ZNF423: variants seen among roughly 807,000 people sequenced by gnomAD.
ZNF423 encodes Ebf-associated zinc finger protein.
Under a neutral mutation model 95.8 loss-of-function variants are expected in ZNF423, and 12 were observed. The observed-to-expected ratio is 0.13, with a 90% confidence interval of 0.08 to 0.20. The LOEUF is 0.20. ZNF423 is among the 10% of genes least tolerant of loss of function. The pLI is 1.00. For synonymous variants in ZNF423, 749 were observed against 711.9 expected, an observed-to-expected ratio of 1.05 and a Z score of -0.83; for missense variants, 1,316 against 1,737.1, an observed-to-expected ratio of 0.76 and a Z score of 4.31.
intron 3 of ZNF423, among the ~76,000 whole-genome samples, chr16:49,699,022 A>G (rs926524383): frequency 6.6e-6 from 1 of 152,230 alleles, no homozygotes; most frequent in Non-Finnish European, 1.5e-5. Flanking sequence ...GTGACTAACC[A>G]AAATCAATGT....
intron 2 of ZNF423, among the ~76,000 whole-genome samples, chr16:49,763,021 C>T (rs2033860539): frequency 6.6e-6 from 1 of 151,874 alleles, no homozygotes; most frequent in South Asian, 2.1e-4. Flanking sequence ...GCACACACCA[C>T]CATGCCTGGC....
At chr16:49,843,180 A>C (rs1338727639) in intron 1 of ZNF423, among the ~76,000 whole-genome samples, 1 of 152,190 alleles carries the variant, frequency 6.6e-6, no homozygotes, top group Non-Finnish European at 1.5e-5. Context: ...AGCCAAAGAA[A>C]CACTCAAACA....
At chr16:49,777,373 T>A (rs1267339710) in intron 2 of ZNF423, among the ~76,000 whole-genome samples, 1 of 152,046 alleles carries the variant, frequency 6.6e-6, no homozygotes, top group Non-Finnish European at 1.5e-5. Flanking sequence ...TGAGTGAGAG[T>A]ATGAGCATAT....
intron 5 of ZNF423, among the ~76,000 whole-genome samples, chr16:49,529,868 A>G (rs1968775588): frequency 6.6e-6 from 1 of 152,096 alleles, no homozygotes; most frequent in Non-Finnish European, 1.5e-5. Context: ...TCCAGCCACA[A>G]CGGATAGTCC....
chr16:49,560,360 G>A (rs1050618784), intron 5 of ZNF423, among the ~76,000 whole-genome samples: 7 of 152,162 alleles, frequency 4.6e-5, no homozygotes, highest in African/African-American at 1.2e-4. Context: ...CAAAAAGGCC[G>A]AAGTTGCTGT....
At chr16:49,827,552 A>G (rs1019960174) in intron 1 of ZNF423, among the ~76,000 whole-genome samples, 4 of 151,882 alleles carry the variant, frequency 2.6e-5, no homozygotes, top group South Asian at 2.1e-4. Context: ...GTCTCATTCT[A>G]TCTCCCAGGC....
At chr16:49,810,137 T>G (rs1216333696) in intron 1 of ZNF423, among the ~76,000 whole-genome samples, 1 of 151,794 alleles carries the variant, frequency 6.6e-6, no homozygotes, top group African/African-American at 2.4e-5. Flanking sequence ...TGGTCTGGGG[T>G]CGGGGAGGCT....
At chr16:49,853,897 A>G in intron 1 of ZNF423, 1 of 985,398 alleles carries the variant, frequency 1.0e-6, no homozygotes, top group Non-Finnish European at 1.2e-6. Context: ...AAGCTTTGCA[A>G]ACTCAAAATC....
chr16:49,830,592 G>C (rs1279597276), intron 1 of ZNF423, among the ~76,000 whole-genome samples: 1 of 152,166 alleles, frequency 6.6e-6, no homozygotes, highest in African/African-American at 2.4e-5. Context: ...ATTTAGGAGA[G>C]GTATCTTTCC....
At position 49,492,123 on chromosome 16, in the gene ZNF423, C is replaced by G. The variant is rs1311167740; in HGVS notation, c.3850-819G>C. Among the ~76,000 whole-genome samples, 1 of 152,236 alleles carries G rather than the reference C, an allele frequency of 6.6e-6. No individual in the cohort carries two copies. The highest frequency in any genetic ancestry group is 1.5e-5 in the Non-Finnish European group (1 of 68,034). ...GGTTGATCTGTTTCACAGGAGCCAG[C>G]GGCCTGGGACTGGGGGTGGGATTTG... On this transcript the variant is annotated intron_variant, in intron 7 of 7. Transcript: ENST00000563137. The surrounding 1 kb of genome is among the most constrained non-coding windows in gnomAD (Gnocchi z 4.2).
At position 49,638,035 on chromosome 16, in the gene ZNF423, C is replaced by T. The variant is rs1355934465; in HGVS notation, c.1141G>A (p.Asp381Asn). 1.2e-6 allele frequency: 2 copies of T among 1,613,874 alleles called. No homozygotes were observed. The highest frequency in any genetic ancestry group is 1.3e-5 in the African/African-American group (1 of 74,942). The change falls in exon 4 of 8, where the codon GAC becomes AAC. Residue 381 changes from aspartate (D) to asparagine (N), a missense_variant. Around this residue, in one of 6 missense-constraint regions of ZNF423, gnomAD observed 399 missense variants for 478.5 expected, o/e 0.83. Transcript: ENST00000563137. The surrounding 1 kb of genome is among the most constrained non-coding windows in gnomAD (Gnocchi z 5.6). Reference sequence around the variant, plus strand: ...CCACGCTCCACAGAGGCGCTGGAGTCGGGTGTGGCGCTGCTCATGGAGGCC... The same window carrying T: ...CCACGCTCCACAGAGGCGCTGGAGTTGGGTGTGGCGCTGCTCATGGAGGCC... ...SVASMSSATP[D>N]SSASVERGST...
chr16:49,801,829 G>A (rs61073293), intron 1 of ZNF423, among the ~76,000 whole-genome samples: 3,846 of 152,246 alleles, frequency 0.025, 140 homozygotes, highest in African/African-American at 0.088. Flanking sequence ...CATGGAGCTA[G>A]GATGGGGTAT....
At chr16:49,764,903 A>G (rs1378714191) in intron 2 of ZNF423, among the ~76,000 whole-genome samples, 1 of 147,690 alleles carries the variant, frequency 6.8e-6, no homozygotes, top group African/African-American at 2.5e-5. Flanking sequence ...GTGCGCCACC[A>G]CGCCCAGCTA....
chr16:49,520,917 A>G (rs780148790), intron 7 of ZNF423, among the ~76,000 whole-genome samples: 3 of 152,262 alleles, frequency 2.0e-5, no homozygotes, highest in Non-Finnish European at 4.4e-5. Context: ...GTCTATAATT[A>G]AAATCATTAA....
chr16:49,671,669 T>A (rs1251805206), intron 3 of ZNF423, among the ~76,000 whole-genome samples: 1 of 152,046 alleles, frequency 6.6e-6, no homozygotes, highest in Non-Finnish European at 1.5e-5. Context: ...GCCCCACACG[T>A]TTTATTTTAT....
At chr16:49,509,269 G>T (rs1009868335) in intron 7 of ZNF423, among the ~76,000 whole-genome samples, 1 of 152,138 alleles carries the variant, frequency 6.6e-6, no homozygotes, top group Non-Finnish European at 1.5e-5. Flanking sequence ...CCCCTGGGAC[G>T]CCTAAAGGAG....
intron 5 of ZNF423, among the ~76,000 whole-genome samples, chr16:49,599,989 T>A (rs1418169430): frequency 3.9e-5 from 6 of 152,158 alleles, no homozygotes; most frequent in Non-Finnish European, 8.8e-5. Context: ...TACCATAAGA[T>A]CTGAGCCCTT....
intron 3 of ZNF423, among the ~76,000 whole-genome samples, chr16:49,673,706 C>T (rs532420567): frequency 1.4e-4 from 22 of 152,246 alleles, no homozygotes; most frequent in Non-Finnish European, 2.6e-4. Flanking sequence ...TGCACATGCA[C>T]ACAAACCCTT....
intron 5 of ZNF423, among the ~76,000 whole-genome samples, chr16:49,574,252 G>A (rs953466635): frequency 3.3e-5 from 5 of 152,210 alleles, no homozygotes; most frequent in African/African-American, 9.6e-5. Context: ...ATGCATGGTG[G>A]TACATGCCTG....
Sources: allele counts gnomAD v4.1 joint callset (sites outside exome capture counted in the v4.1 genomes callset), GRCh38; gene constraint gnomAD v4.1.1; regional missense constraint gnomAD v4.1.1; non-coding constraint Gnocchi (gnomAD v3.1); transcripts MANE v1.5; gene names NCBI Gene and HGNC (gene_info 2026-07-23, HGNC 2026-07-21).